KRT85: variants seen among roughly 807,000 people sequenced by gnomAD.
KRT85 encodes keratin 85, also known as keratin, type II cuticular Hb5.
KRT85 carries 39 observed loss-of-function variants against 53.7 expected under a neutral mutation model. The observed-to-expected ratio is 0.73, with a 90% CI of 0.56 to 0.95. KRT85 has a LOEUF of 0.95. KRT85 is among the 40% of genes least tolerant of loss of function. The pLI, the probability that KRT85 is intolerant of heterozygous loss-of-function variation, is 0.00. For missense variants in KRT85, 668 were observed against 686.0 expected, an observed-to-expected ratio of 0.97 and a Z score of 0.29; for synonymous variants, 291 against 277.5, an observed-to-expected ratio of 1.05 and a Z score of -0.48.
chr12:52,361,003 G>C lies in KRT85; in HGVS notation c.1374C>G (p.Ser458=). ...SRGGVSCGGL[S]YSTTPGRQIT... is the part of the protein sequence containing the mutation. ...TCTGGCGCCCTGGGGTGGTGCTGTA[G>C]GAGAGGCCCCCACAGGAGACTCCAC... is the stretch of plus-strand genomic sequence containing the variant. Residue 458 remains serine (S), a synonymous_variant, in exon 9 of 9, where the codon TCC becomes TCG. Transcript: ENST00000257901. 2 of 1,613,644 alleles carry C rather than the reference G, an allele frequency of 1.2e-6. No individual in the cohort carries two copies. The highest frequency in any genetic ancestry group is 1.7e-6 in the Non-Finnish European group (2 of 1,179,850).
chr12:52,361,411 TCAG>T, intron 8 of KRT85, 53 bp downstream of exon 8: 1 of 1,542,694 alleles, frequency 6.5e-7, no homozygotes, highest in Non-Finnish European at 9.0e-7. Flanking sequence ...GCCAATGAGT[TCAG>T]CTTTTCTATC....
chr12:52,366,254 C>CT (rs1480340971), intron 1 of KRT85, among the ~76,000 whole-genome samples: 2 of 152,270 alleles, frequency 1.3e-5, no homozygotes, highest in Non-Finnish European at 1.5e-5. Context: ...GCTGTCACAC[C>CT]TCCTCACCTA....
chr12:52,364,728 C>G, intron 2 of KRT85: 1 of 1,391,318 alleles, frequency 7.2e-7, no homozygotes, highest in Non-Finnish European at 9.5e-7. Flanking sequence ...GCTAGAATTC[C>G]ACTGGATTTC....
rs1469701041 is a variant in KRT85, at chr12:52,364,356, C to G, written c.640G>C (p.Glu214Gln). The G allele has an allele frequency of 1.2e-6, 2 of 1,614,094 alleles. No homozygotes were observed. The highest frequency in any genetic ancestry group is 8.5e-7 in the Non-Finnish European group (1 of 1,180,060). The change falls in exon 3 of 9, where the codon GAG becomes CAG. Residue 214 changes from glutamate to glutamine, a missense_variant. Coordinates refer to ENST00000257901, the MANE Select transcript of KRT85 (RefSeq NM_002283.4). ...TCTGCTGTGGCTCTCAGGGCCACCT[C>G]CTCTTCATACCTGGGTGTGGGAGAG... ...LEGYKKKYEE[E>Q]VALRATAENE...
Position 52,362,324 on chromosome 12 carries a change from C to T in KRT85, c.1225G>A (p.Val409Met), listed in dbSNP as rs1168435926. ...TCCAGGCCCAGCTTGGAGTTCATCACCTCCTGGTACTCCTTGAGCAGGCAG... is the reference window on the plus strand; with the variant it reads ...TCCAGGCCCAGCTTGGAGTTCATCATCTCCTGGTACTCCTTGAGCAGGCAG... ...MACLLKEYQE[V>M]MNSKLGLDIE... The change falls in exon 7 of 9, where the codon GTG becomes ATG. Residue 409 changes from valine to methionine, a missense_variant. Around this residue, in one of 3 missense-constraint regions of KRT85, gnomAD observed 488 missense variants for 498.1 expected, o/e 0.98. Transcript: ENST00000257901. 6.2e-7 allele frequency: 1 copy of T among 1,614,104 alleles called. No individual in the cohort carries two copies. The highest frequency in any genetic ancestry group is 1.3e-5 in the African/African-American group (1 of 74,938).
rs1939282093 is a variant in KRT85 at position 52,367,030 on chromosome 12, G to T, written c.376C>A (p.Gln126Lys). 8.1e-6 allele frequency: 13 copies of T among 1,613,908 alleles called. No homozygotes were observed. The highest frequency in any genetic ancestry group is 1.1e-5 in the Non-Finnish European group (13 of 1,179,874). ...AACCTGCTGTTGAGGGACTTGATCT[G>T]CTCCTTCTCCTCCTGCTTCACGCAC... ...AQCVKQEEKE[Q>K]IKSLNSRFAA... The change falls in exon 1 of 9, where the codon CAG (glutamine) becomes AAG (lysine). Residue 126 changes from glutamine to lysine, a missense_variant. Physicochemically the swap from Gln to Lys is moderately conservative, Grantham distance 53 (BLOSUM62 1). Coordinates refer to ENST00000257901, the MANE Select transcript of KRT85 (RefSeq NM_002283.4).
intron 6 of KRT85, 30 bp downstream of exon 6, chr12:52,362,824 C>T (rs1474331794): frequency 3.7e-6 from 6 of 1,614,188 alleles, no homozygotes; most frequent in Non-Finnish European, 5.1e-6. Context: ...CCTGCCTGTG[C>T]TGCGTATTTG....
At chr12:52,364,027 C>A (rs1451995057) in intron 4 of KRT85, 41 bp downstream of exon 4, 4 of 1,502,032 alleles carry the variant, frequency 2.7e-6, no homozygotes, top group East Asian at 2.3e-5. Flanking sequence ...CTCCAAAACA[C>A]CCCTCCACCT....
chr12:52,364,554 C>G, intron 2 of KRT85, 188 bp from the exon 3 acceptor site: 1 of 1,465,886 alleles, frequency 6.8e-7, no homozygotes, highest in Non-Finnish European at 9.0e-7. Flanking sequence ...TTCATTCCGC[C>G]GCAGTCCTTC....
intron 1 of KRT85, among the ~76,000 whole-genome samples, chr12:52,365,887 C>T (rs1393866833): frequency 6.6e-6 from 1 of 152,174 alleles, no homozygotes; most frequent in East Asian, 1.9e-4. Flanking sequence ...CCCTTAGCTC[C>T]AAGTTGCTGT....
At position 52,361,483 on chromosome 12, in the gene KRT85, C is replaced by T; in HGVS notation, c.1314G>A (p.Val438=). The part of the protein sequence containing the change: ...EGEEHRLCEG[V]GSVNVCVSSS... ...GATACTCACAGACATTCACAGAGCC[C>T]ACACCTTCACACAGCCTATGGAGAA... The change falls in exon 8 of 9, where the codon GTG becomes GTA. Residue 438 remains valine, a synonymous_variant. Transcript: ENST00000257901. 6.8e-6 allele frequency: 11 copies of T among 1,614,036 alleles called. No homozygotes were observed. The highest frequency in any genetic ancestry group is 9.3e-6 in the Non-Finnish European group (11 of 1,179,908).
chr12:52,364,115 C>T lies in KRT85; in HGVS notation c.739G>A (p.Glu247Lys), dbSNP rs779681350. The stretch of plus-strand genomic sequence containing the variant: ...AAGCTAGACTCCTCCACCAGGGCCT[C>T]CACATTGGCCTCCAGGTCTGATTTC... Reference protein sequence around the residue: ...LRKSDLEANVEALVEESSFLR... With the variant: ...LRKSDLEANVKALVEESSFLR... Residue 247 changes from glutamate (E) to lysine (K), a missense_variant, in exon 4 of 9, where the codon GAG becomes AAG. Physicochemically the swap from Glu to Lys is moderately conservative, Grantham distance 56. Coordinates refer to ENST00000257901, the MANE Select transcript of KRT85 (RefSeq NM_002283.4). 6.2e-7 allele frequency: 1 copy of T among 1,614,176 alleles called. No individual in the cohort carries two copies. The highest frequency in any genetic ancestry group is 1.7e-5 in the Admixed American group (1 of 60,032).
At chr12:52,364,861 C>T in intron 2 of KRT85, 101 bp downstream of exon 2, 1 of 1,600,600 alleles carries the variant, frequency 6.2e-7, no homozygotes, top group Non-Finnish European at 8.5e-7. Context: ...AGGCAGCCTG[C>T]TAGAGGAATC....
In KRT85 at chr12:52,364,141, C is replaced by T. The variant is rs142996654; in HGVS notation, c.713G>A (p.Arg238Gln). The T allele has an allele frequency of 8.7e-5, 141 of 1,614,048 alleles. 1 individual carries two copies. Among genetic ancestry groups the T allele is most frequent in the Non-Finnish European group, 1.1e-4 (134 of 1,180,040 alleles). The change falls in exon 4 of 9, where the codon CGG becomes CAG. Residue 238 changes from arginine to glutamine, a missense_variant. Coordinates refer to ENST00000257901, the MANE Select transcript of KRT85 (RefSeq NM_002283.4). The part of the protein sequence containing the change: ...LKKDVDCAYL[R>Q]KSDLEANVEA... The stretch of plus-strand genomic sequence containing the variant: ...CACATTGGCCTCCAGGTCTGATTTC[C>T]GCAGGTAGGCACAGTCCACGTCCTG...
intron 5 of KRT85, 101 bp downstream of exon 5, chr12:52,363,145 C>T (rs918353485): frequency 5.1e-6 from 8 of 1,563,788 alleles, no homozygotes; most frequent in Non-Finnish European, 6.1e-6. Context: ...TCATACTGTC[C>T]TCATGGGTCA....
At chr12:52,362,759 G>A in intron 6 of KRT85, 95 bp downstream of exon 6, 3 of 1,579,750 alleles carry the variant, frequency 1.9e-6, no homozygotes, top group African/African-American at 1.3e-5. Flanking sequence ...TTCCCTCTGG[G>A]TCCCTGCTTC....
chr12:52,361,812 G>A (rs1197609701), intron 7 of KRT85, among the ~76,000 whole-genome samples: 27 of 149,770 alleles, frequency 1.8e-4, no homozygotes, highest in Admixed American at 1.7e-3. Flanking sequence ...GGGTGTGAAG[G>A]GGCTTTGTGG....
At chr12:52,362,790 C>T (rs149458468) in intron 6 of KRT85, 64 bp downstream of exon 6, 40 of 1,613,562 alleles carry the variant, frequency 2.5e-5, no homozygotes, top group Non-Finnish European at 3.4e-5. Flanking sequence ...CACTGTGAAG[C>T]CTGATTAGGG....
chr12:52,367,237 A>T lies in KRT85; in HGVS notation c.169T>A (p.Cys57Ser). ...CGGGGCCCGCAGGAGCCCAGGTTGC[A>T]GAGGCTGCGGCTGCCGAAGCCCGTC... ...GLTGFGSRSL[C>S]NLGSCGPRIA... The change falls in exon 1 of 9, where the codon TGC (cysteine) becomes AGC (serine). Residue 57 changes from cysteine to serine, a missense_variant. This residue lies in a region of KRT85 where 158 missense variants were observed against 141.8 expected (regional missense o/e 1.11). Transcript: ENST00000257901. The T allele has an allele frequency of 6.2e-7, 1 of 1,612,954 alleles. No individual in the cohort carries two copies. Among genetic ancestry groups the T allele is most frequent in the South Asian group, 1.1e-5 (1 of 91,010 alleles).
Sources: gnomAD v4.1 joint callset for allele counts (sites outside exome capture counted in the v4.1 genomes callset) on GRCh38, gnomAD v4.1.1 for gene constraint, gnomAD v4.1.1 regional missense constraint, MANE v1.5 for transcripts, NCBI Gene and HGNC (gene_info 2026-07-23, HGNC 2026-07-21) for gene names.